Variants in PATJ observed in about 807,000 individuals in gnomAD.
The protein encoded by PATJ is PATJ crumbs cell polarity complex component.
Under a neutral mutation model 224.9 loss-of-function variants are expected in PATJ, and 190 were observed. The observed-to-expected ratio is 0.84, with a 90% CI of 0.75 to 0.95. The LOEUF is 0.95. Ranked by LOEUF, PATJ falls within the 40% of genes least tolerant of loss-of-function variation. The pLI is 0.00. For synonymous variants in PATJ, 769 were observed against 820.3 expected (o/e 0.94, Z 1.07); for missense variants, 2,121 against 2,270.3 (o/e 0.93, Z 1.34).
chr1:61,836,882 A>G (rs986726824), intron 17 of PATJ, among the ~76,000 whole-genome samples: 49 of 152,252 alleles, frequency 3.2e-4, no homozygotes, highest in Admixed American at 1.7e-3. Flanking sequence ...TAGCATGTTC[A>G]GAACAAAAAG....
In PATJ at chr1:61,866,312, A is replaced by G. The variant is rs114223915; in HGVS notation, c.2835+1679A>G. Reference sequence around the variant, plus strand: ...AGTTCATATATAAACTTTGAAGGCTATAGATGAAATGGTCAAATGTATACT... The same window carrying G: ...AGTTCATATATAAACTTTGAAGGCTGTAGATGAAATGGTCAAATGTATACT... On this transcript the variant is annotated intron_variant, in intron 20 of 43. Transcript: ENST00000642238. 1.4e-3 allele frequency among the ~76,000 whole-genome samples: 211 copies of G among 152,358 alleles called. 1 individual carries two copies. Among genetic ancestry groups the G allele is most frequent in the African/African-American group, 4.9e-3 (202 of 41,588 alleles).
At chr1:62,073,220 G>A in intron 31 of PATJ, 1 of 985,360 alleles carries the variant, frequency 1.0e-6, no homozygotes, top group Non-Finnish European at 1.2e-6. Flanking sequence ...AGGTTGTGGA[G>A]TGTCATGCAA....
In PATJ at chr1:61,856,147, T is replaced by C. The variant is rs1134764; in HGVS notation, c.2230T>C (p.Cys744Arg). 28 of 1,614,070 alleles carry C rather than the reference T, an allele frequency of 1.7e-5. No homozygotes were observed. In the African/African-American group the frequency reaches 2.9e-4, roughly 17 times the overall value. Residue 744 changes from cysteine (C) to arginine (R), a missense_variant, in exon 18 of 44, where the codon TGT becomes CGT. Cys to Arg is a radical substitution (Grantham distance 180). Transcript: ENST00000642238. Reference sequence around the variant, plus strand: ...CCGCCTGGTCTCAGTCAATGAATACTGTTTGGACAACACCTCACTTGCTGA... The same window carrying C: ...CCGCCTGGTCTCAGTCAATGAATACCGTTTGGACAACACCTCACTTGCTGA... ...GDRLVSVNEY[C>R]LDNTSLAEAV...
chr1:61,806,019 G>C (rs748241347), intron 13 of PATJ, among the ~76,000 whole-genome samples: 3 of 152,180 alleles, frequency 2.0e-5, no homozygotes, highest in Non-Finnish European at 4.4e-5. Context: ...ATTTAGGTTA[G>C]GTATAAGTTT....
chr1:62,147,973 T>G (rs1668223499), intron 41 of PATJ, among the ~76,000 whole-genome samples: 1 of 151,064 alleles, frequency 6.6e-6, no homozygotes, highest in Non-Finnish European at 1.5e-5. Context: ...AAAAAAAAAT[T>G]AGCAGGGCCT....
Position 61,775,640 on chromosome 1 carries a change from A to T in PATJ, c.849+306A>T, listed in dbSNP as rs1274318862. 2.0e-5 allele frequency among the ~76,000 whole-genome samples: 3 copies of T among 152,172 alleles called. No individual in the cohort carries two copies. In the East Asian group the frequency reaches 5.8e-4, roughly 29 times the overall value. On this transcript the variant is annotated intron_variant, in intron 7 of 43. Coordinates refer to ENST00000642238, the MANE Select transcript of PATJ (RefSeq NM_001350145.3). ...ATATTGCATTTTGAACATCTGTATT[A>T]TTCTCCTCTAGTGTGTCTTTCGATG...
intron 27 of PATJ, among the ~76,000 whole-genome samples, chr1:61,944,250 C>G (rs1396113562): frequency 6.6e-6 from 1 of 152,144 alleles, no homozygotes; most frequent in East Asian, 1.9e-4. Context: ...AAGAAGGCTT[C>G]AGACGATTGG....
chr1:61,859,705 C>T (rs907232342), intron 18 of PATJ, among the ~76,000 whole-genome samples: 6 of 152,078 alleles, frequency 3.9e-5, no homozygotes, highest in African/African-American at 1.4e-4. Context: ...CCGCAACCTC[C>T]GCCTCCTGGG....
At chr1:62,114,943 A>G (rs1166297431) in intron 35 of PATJ, 5 of 151,906 alleles carry the variant, frequency 3.3e-5, no homozygotes, top group African/African-American at 1.2e-4. Flanking sequence ...AAAAAGAAAG[A>G]TGTCCCCAAA....
chr1:61,861,633 A>G lies in PATJ; in HGVS notation c.2405A>G (p.Asp802Gly), dbSNP rs1390483198. 3 of 1,470,760 alleles carry G rather than the reference A, an allele frequency of 2.0e-6. No individual in the cohort carries two copies. The highest frequency in any genetic ancestry group is 2.7e-6 in the Non-Finnish European group (3 of 1,096,256). 91.1% of individuals were successfully genotyped at this position (1,470,760 alleles called of 1,614,324 possible). Residue 802 changes from aspartate to glycine, a missense_variant, in exon 19 of 44, where the codon GAT becomes GGT. Asp to Gly is a moderately conservative substitution (Grantham distance 94). Transcript: ENST00000642238. ...ACTGAATTTTCAGGAACAATTCATG[A>G]TATAAATTCATCTTTAATACTCGAA... ...DKTEFSGTIH[D>G]INSSLILEAP... is the part of the protein sequence containing the mutation.
In PATJ at chr1:61,901,301, C is replaced by T. The variant is rs773645711; in HGVS notation, c.3223C>T (p.Pro1075Ser). Residue 1075 changes from proline to serine, a missense_variant, in exon 24 of 44, where the codon CCC becomes TCC. Coordinates refer to ENST00000642238, the MANE Select transcript of PATJ (RefSeq NM_001350145.3). ...PPRIVEIFREPNVSLGISIVG... is the reference protein window; with the variant it reads ...PPRIVEIFRESNVSLGISIVG... The stretch of plus-strand genomic sequence containing the variant: ...ATATAGTGTTGAGATTTTTAGAGAA[C>T]CCAATGTGTCTCTTGGGATCAGTAT... 1.3e-6 allele frequency: 2 copies of T among 1,533,544 alleles called. No homozygotes were observed. The highest frequency in any genetic ancestry group is 1.7e-6 in the Non-Finnish European group (2 of 1,151,328). The allele number at this position is 1,533,544 out of a possible 1,614,324, so 95.0% of individuals were successfully genotyped here. A position where few individuals can be genotyped will look rare whatever the true frequency, so the allele number is the denominator to read the frequency against.
rs1658526105 is a variant in PATJ, at chr1:62,077,646, C to T, written c.4126-1804C>T. Among the ~76,000 whole-genome samples the T allele has an allele frequency of 2.2e-5, 3 of 135,548 alleles. No individual in the cohort carries two copies. The Admixed American group carries it at 2.4e-4, about 11-fold the overall frequency. 88.9% of individuals were successfully genotyped at this position (135,548 alleles called of 152,430 possible). A position where few individuals can be genotyped will look rare whatever the true frequency, so the allele number is the denominator to read the frequency against. On this transcript the variant is annotated intron_variant, in intron 31 of 43. Transcript: ENST00000642238. ...TCAAGGCTTCAGTGAGCCGAGATCA[C>T]ACAACTATTACAGCCTAGGTGACAG...
chr1:61,837,895 T>C (rs1274011917), intron 17 of PATJ, among the ~76,000 whole-genome samples: 1 of 151,724 alleles, frequency 6.6e-6, no homozygotes, highest in Non-Finnish European at 1.5e-5. Context: ...ACTCAGAATA[T>C]TGATGAAAGT....
intron 29 of PATJ, among the ~76,000 whole-genome samples, chr1:62,029,386 TCTC>T (rs1003733007): frequency 6.6e-6 from 1 of 152,178 alleles, no homozygotes; most frequent in African/African-American, 2.4e-5. Flanking sequence ...ATGAGTATGT[TCTC>T]CTCATGACCA....
At chr1:61,815,288 A>G (rs373568460) in intron 14 of PATJ, among the ~76,000 whole-genome samples, 14 of 152,190 alleles carry the variant, frequency 9.2e-5, no homozygotes, top group Non-Finnish European at 1.9e-4. Context: ...CTAAGTGAAG[A>G]GCAGAATATT....
chr1:61,856,273 T>TA (rs772049589), intron 18 of PATJ, 34 bp downstream of exon 18: 32 of 1,525,328 alleles, frequency 2.1e-5, no homozygotes, highest in Non-Finnish European at 2.8e-5. Context: ...TAGGAAGTGA[T>TA]AATAGTGCAA....
intron 9 of PATJ, among the ~76,000 whole-genome samples, chr1:61,793,852 A>G (rs1019129043): frequency 9.2e-5 from 14 of 151,774 alleles, no homozygotes; most frequent in Admixed American, 6.6e-5. Context: ...TGAAATTTAT[A>G]TATTATTTCG....
chr1:62,151,917 C>T (rs2149043261), intron 42 of PATJ, among the ~76,000 whole-genome samples: 1 of 152,334 alleles, frequency 6.6e-6, no homozygotes, highest in East Asian at 1.9e-4. Flanking sequence ...TGGGAGCCCA[C>T]ATAGGTAATT....
intron 17 of PATJ, among the ~76,000 whole-genome samples, chr1:61,853,730 T>C (rs1481965883): frequency 6.6e-6 from 1 of 152,238 alleles, no homozygotes; most frequent in Non-Finnish European, 1.5e-5. Flanking sequence ...CCTGCTGATA[T>C]GCCACTGTAC....
Sources: allele counts gnomAD v4.1 joint callset (sites outside exome capture counted in the v4.1 genomes callset), GRCh38; gene constraint gnomAD v4.1.1; transcripts MANE v1.5; gene names NCBI Gene and HGNC (gene_info 2026-07-23, HGNC 2026-07-21).